Variants in LGSN observed in about 807,000 individuals in gnomAD.
LGSN encodes the protein lengsin, lens protein with glutamine synthetase domain.
LGSN carries 21 observed loss-of-function variants against 19.5 expected under a neutral mutation model. That is an observed-to-expected ratio of 1.07 (90% CI 0.76 to 1.55). LGSN has a LOEUF of 1.55. Among genes scored for constraint, LGSN ranks in the 40% most tolerant of loss-of-function variants. The pLI, the probability that LGSN is intolerant of heterozygous loss-of-function variation, is 0.00. For missense variants in LGSN, 673 were observed against 608.5 expected (o/e 1.11, Z -1.12); for synonymous variants, 257 against 215.6 (o/e 1.19, Z -1.68).
chr6:63,523,768 T>G, the LGSN span, among the ~76,000 whole-genome samples: 1 of 152,088 alleles, frequency 6.6e-6, no homozygotes, highest in Non-Finnish European at 1.5e-5. Flanking sequence ...TTAGTGTTAG[T>G]GTATTTCATG....
At chr6:63,450,443 G>T in the LGSN span, among the ~76,000 whole-genome samples, 4 of 151,250 alleles carry the variant, frequency 2.6e-5, no homozygotes, top group Admixed American at 1.3e-4. Context: ...CTACTCAGGA[G>T]TCTGAGTCAG....
chr6:63,542,378 A>G, the LGSN span, among the ~76,000 whole-genome samples: 1 of 151,962 alleles, frequency 6.6e-6, no homozygotes, highest in Admixed American at 6.6e-5. Context: ...CACTAAGGAA[A>G]TTACTCATGT....
chr6:63,299,934 A>C (rs1299751747), intron 1 of LGSN, among the ~76,000 whole-genome samples: 9 of 152,070 alleles, frequency 5.9e-5, no homozygotes, highest in Non-Finnish European at 1.2e-4. Context: ...TACGTGCTTG[A>C]TTGTCTGTAA....
At position 63,281,218 on chromosome 6, in the gene LGSN, C is replaced by T. The variant is rs139982799; in HGVS notation, c.333G>A (p.Glu111=). 187 of 1,488,748 alleles carry T rather than the reference C, an allele frequency of 1.3e-4. No homozygotes were observed. Among genetic ancestry groups the T allele is most frequent in the Non-Finnish European group, 1.6e-4 (178 of 1,117,106 alleles). 92.2% of individuals were successfully genotyped at this position (1,488,748 alleles called of 1,614,324 possible). Residue 111 remains glutamate (E), a splice_region_variant and synonymous_variant, in exon 4 of 4, where the codon GAG becomes GAA. Coordinates refer to ENST00000370657, the MANE Select transcript of LGSN (RefSeq NM_016571.3). The part of the protein sequence containing the change: ...SKTIPAHFFQ[E]KVSHGVCMPR... ...GCATGCAAACACCATGGCTCACTTT[C>T]TCCTAAAGAAGGAAAAAAATGAAGA...
At chr6:63,505,789 A>G in the LGSN span, among the ~76,000 whole-genome samples, 1 of 152,098 alleles carries the variant, frequency 6.6e-6, no homozygotes, top group South Asian at 2.1e-4. Flanking sequence ...CCTCCCAAGT[A>G]GCTGGGACTA....
the LGSN span, among the ~76,000 whole-genome samples, chr6:63,534,767 G>A: frequency 1.7e-3 from 100 of 57,542 alleles, no homozygotes; most frequent in African/African-American, 6.9e-3. Context: ...GGCCAACATG[G>A]TAAAATTTCT....
At chr6:63,468,420 G>A in the LGSN span, among the ~76,000 whole-genome samples, 12 of 149,266 alleles carry the variant, frequency 8.0e-5, no homozygotes, top group South Asian at 2.1e-4. Flanking sequence ...GAGCCACTGC[G>A]CCCAGCCTAT....
the LGSN span, among the ~76,000 whole-genome samples, chr6:63,403,679 C>T: frequency 3.9e-5 from 6 of 152,066 alleles, no homozygotes; most frequent in African/African-American, 9.6e-5. Context: ...TCTAGAATGA[C>T]AGAGGTGAGA....
intron 1 of LGSN, among the ~76,000 whole-genome samples, chr6:63,314,659 G>A (rs1260959379): frequency 2.6e-5 from 4 of 152,112 alleles, no homozygotes; most frequent in Non-Finnish European, 4.4e-5. Context: ...TATCCATTCT[G>A]GATAAGAAAA....
At chr6:63,549,194 C>T in the LGSN span, 1 of 699,214 alleles carries the variant, frequency 1.4e-6, no homozygotes, top group Non-Finnish European at 2.6e-6. Flanking sequence ...CTTGCTTAGT[C>T]TCTGATCTGT....
At chr6:63,569,719 G>C in the LGSN span, among the ~76,000 whole-genome samples, 3 of 152,218 alleles carry the variant, frequency 2.0e-5, no homozygotes, top group Non-Finnish European at 4.4e-5. Context: ...TGTTTAGCAG[G>C]AGAGAAAATC....
the LGSN span, among the ~76,000 whole-genome samples, chr6:63,434,434 C>A: frequency 8.9e-6 from 1 of 112,232 alleles, no homozygotes; most frequent in Admixed American, 9.2e-5. Context: ...AGCAAGACTC[C>A]ATCTCAAAAA....
chr6:63,422,182 A>G, the LGSN span, among the ~76,000 whole-genome samples: 1 of 151,582 alleles, frequency 6.6e-6, no homozygotes, highest in African/African-American at 2.4e-5. Context: ...TCCCACCTCA[A>G]CCTCCCTAGA....
At chr6:63,282,899 C>T (rs938006428) in intron 3 of LGSN, among the ~76,000 whole-genome samples, 1 of 152,078 alleles carries the variant, frequency 6.6e-6, no homozygotes, top group Non-Finnish European at 1.5e-5. Flanking sequence ...CATTTCCCTG[C>T]TTGTCAGTTT....
chr6:63,470,545 A>T, the LGSN span, among the ~76,000 whole-genome samples: 1 of 152,036 alleles, frequency 6.6e-6, no homozygotes, highest in Non-Finnish European at 1.5e-5. Flanking sequence ...AAATATATAT[A>T]TTTTTTATTT....
the LGSN span, among the ~76,000 whole-genome samples, chr6:63,438,034 T>C: frequency 4.6e-5 from 7 of 152,204 alleles, no homozygotes; most frequent in African/African-American, 1.7e-4. Context: ...CTTTTTGAAA[T>C]CTCACAGTTC....
At chr6:63,376,811 A>G in the LGSN span, among the ~76,000 whole-genome samples, 1 of 152,222 alleles carries the variant, frequency 6.6e-6, no homozygotes. Context: ...TGGGGTGAAT[A>G]ACTTTTACTA....
At chr6:63,547,073 A>T in the LGSN span, among the ~76,000 whole-genome samples, 1 of 152,256 alleles carries the variant, frequency 6.6e-6, no homozygotes, top group Middle Eastern at 3.4e-3. Flanking sequence ...TTATTTGAGC[A>T]TTCTCCTTTC....
the LGSN span, among the ~76,000 whole-genome samples, chr6:63,531,870 C>A: frequency 1.3e-5 from 2 of 151,686 alleles, no homozygotes; most frequent in Admixed American, 1.3e-4. Flanking sequence ...CTCTATCACC[C>A]AGGCTCACTG....
Sources: allele counts gnomAD v4.1 joint callset (sites outside exome capture counted in the v4.1 genomes callset), GRCh38; gene constraint gnomAD v4.1.1; transcripts MANE v1.5; gene names NCBI Gene and HGNC (gene_info 2026-07-23, HGNC 2026-07-21).